C5orf46: variants seen among roughly 807,000 people sequenced by gnomAD.
C5orf46 encodes the protein chromosome 5 open reading frame 46.
Under a neutral mutation model 8.9 loss-of-function variants are expected in C5orf46, and 9 were observed. The ratio of observed to expected loss-of-function variants is 1.01; its 90% CI spans 0.61 to 1.76. C5orf46 has a LOEUF of 1.76. C5orf46 is among the 40% of genes most tolerant of loss of function. The pLI, the probability that C5orf46 is intolerant of heterozygous loss-of-function variation, is 0.00. For synonymous variants in C5orf46, 47 were observed against 41.4 expected (o/e 1.14, Z -0.52); for missense variants, 98 against 107.8 (o/e 0.91, Z 0.40).
At chr5:147,901,460 G>T in intron 2 of C5orf46, 169 bp downstream of exon 2, 1 of 570,896 alleles carries the variant, frequency 1.8e-6, no homozygotes, top group Non-Finnish European at 2.9e-6. Context: ...CAGGGCAGTT[G>T]ATTCAGATGC....
chr5:147,886,162 C>T (rs905736685), intron 2 of C5orf46: 14 of 152,036 alleles, frequency 9.2e-5, no homozygotes, highest in African/African-American at 3.4e-4. Context: ...TTTGTAATTT[C>T]CAGGGGTTAA....
Position 147,906,430 on chromosome 5 carries a change from A to G in C5orf46, c.70+2T>C. 1 of 1,604,808 alleles carries G rather than the reference A, an allele frequency of 6.2e-7. No homozygotes were observed. The highest frequency in any genetic ancestry group is 8.5e-7 in the Non-Finnish European group (1 of 1,173,262). Reference sequence around the variant, plus strand: ...TCATGGGCTGTGATCAGAAGCACTTACCTGCATAGCAGGTCAGGAATAAGA... The same window carrying G: ...TCATGGGCTGTGATCAGAAGCACTTGCCTGCATAGCAGGTCAGGAATAAGA... On this transcript the variant is annotated splice_donor_variant, in intron 1 of 3. Transcript: ENST00000318315. LOFTEE classifies it high-confidence loss of function.
chr5:147,900,296 G>A (rs1699180352), intron 2 of C5orf46, among the ~76,000 whole-genome samples: 1 of 151,988 alleles, frequency 6.6e-6, no homozygotes, highest in South Asian at 2.1e-4. Context: ...TGTGGAGAAG[G>A]ATTGCCTGTA....
chr5:147,897,235 A>C (rs1166841115), intron 2 of C5orf46, among the ~76,000 whole-genome samples, 194 bp from the exon 3 acceptor site: 1 of 152,194 alleles, frequency 6.6e-6, no homozygotes, highest in African/African-American at 2.4e-5. Flanking sequence ...TCTTTTTTGC[A>C]TCTGCCAACA....
chr5:147,903,745 C>T (rs1480593514), intron 1 of C5orf46, among the ~76,000 whole-genome samples: 2 of 152,070 alleles, frequency 1.3e-5, no homozygotes, highest in African/African-American at 2.4e-5. Context: ...TTTGGGCCTA[C>T]TTTTTTAATG....
At chr5:147,897,910 A>G (rs1757608415) in intron 2 of C5orf46, among the ~76,000 whole-genome samples, 1 of 152,088 alleles carries the variant, frequency 6.6e-6, no homozygotes. Context: ...TTAAAATGAA[A>G]CTCATTAGTC....
At chr5:147,886,347 G>A (rs1757416070) in intron 2 of C5orf46, 1 of 152,026 alleles carries the variant, frequency 6.6e-6, no homozygotes, top group South Asian at 2.1e-4. Context: ...TAGAAAATAT[G>A]CTGGATTGCT....
At chr5:147,901,978 C>T (rs1374498140) in intron 1 of C5orf46, among the ~76,000 whole-genome samples, 8 of 152,058 alleles carry the variant, frequency 5.3e-5, no homozygotes, top group African/African-American at 1.9e-4. Flanking sequence ...ACAAATAGAC[C>T]GACTGATATT....
intron 1 of C5orf46, among the ~76,000 whole-genome samples, chr5:147,904,089 TA>T (rs200345436): frequency 0.097 from 13,625 of 140,650 alleles, 643 homozygotes; most frequent in Middle Eastern, 0.18. Flanking sequence ...AGAGTCAAGG[TA>T]AAAAAAAAAA....
intron 3 of C5orf46, among the ~76,000 whole-genome samples, chr5:147,894,784 G>A (rs549517875): frequency 9.9e-5 from 15 of 151,710 alleles, no homozygotes; most frequent in East Asian, 3.9e-4. Context: ...GGGATCGGCC[G>A]GGAATGGTGG....
intron 1 of C5orf46, among the ~76,000 whole-genome samples, chr5:147,905,852 G>T (rs1231300620): frequency 1.3e-5 from 2 of 152,166 alleles, no homozygotes; most frequent in Non-Finnish European, 2.9e-5. Context: ...TACATCATTG[G>T]ATTACTATGA....
At chr5:147,903,574 G>T (rs1055121810) in intron 1 of C5orf46, among the ~76,000 whole-genome samples, 4 of 152,064 alleles carry the variant, frequency 2.6e-5, no homozygotes, top group Admixed American at 2.0e-4. Flanking sequence ...GAAACTATTA[G>T]TAAAAAAGAT....
At chr5:147,904,457 G>A (rs1757719507) in intron 1 of C5orf46, among the ~76,000 whole-genome samples, 1 of 152,148 alleles carries the variant, frequency 6.6e-6, no homozygotes, top group Admixed American at 6.5e-5. Flanking sequence ...AAAGACATTT[G>A]CCAAATGCAA....
At chr5:147,886,715 ATATT>A (rs1186452261) in intron 2 of C5orf46, 2 of 151,134 alleles carry the variant, frequency 1.3e-5, no homozygotes, top group Admixed American at 6.6e-5. Context: ...ATCTATGTGA[ATATT>A]AATTTAATTT....
chr5:147,891,823 T>C (rs1303458906), downstream of C5orf46, among the ~76,000 whole-genome samples: 1 of 152,164 alleles, frequency 6.6e-6, no homozygotes, highest in Non-Finnish European at 1.5e-5. Context: ...TTGTCTGAAT[T>C]TATTGTAGAA....
At chr5:147,891,166 C>T (rs759454182), downstream of C5orf46, among the ~76,000 whole-genome samples, 5 of 152,166 alleles carry the variant, frequency 3.3e-5, no homozygotes, top group Non-Finnish European at 7.3e-5. Flanking sequence ...GCCTCCTGAG[C>T]CTCAGTTTCT....
chr5:147,893,458 GTA>G (rs1268989233), intron 3 of C5orf46, among the ~76,000 whole-genome samples: 1 of 151,550 alleles, frequency 6.6e-6, no homozygotes, highest in Non-Finnish European at 1.5e-5. Flanking sequence ...CTAATTTTTT[GTA>G]TTTTTAGTAG....
chr5:147,890,210 C>G (rs990669468), downstream of C5orf46, among the ~76,000 whole-genome samples: 2 of 152,186 alleles, frequency 1.3e-5, no homozygotes, highest in African/African-American at 4.8e-5. Flanking sequence ...TCTTCTGCAT[C>G]AAGACTGTGA....
intron 3 of C5orf46, 94 bp downstream of exon 3, chr5:147,896,890 G>T: frequency 2.0e-6 from 1 of 512,304 alleles, no homozygotes; most frequent in South Asian, 4.2e-5. Context: ...AGGTAGACAT[G>T]GGTAACCAAA....
Sources: gnomAD v4.1 joint callset for allele counts (sites outside exome capture counted in the v4.1 genomes callset) on GRCh38, gnomAD v4.1.1 for gene constraint, MANE v1.5 for transcripts, NCBI Gene and HGNC (gene_info 2026-07-23, HGNC 2026-07-21) for gene names.